DTNB: variants seen among roughly 807,000 people sequenced by gnomAD.
DTNB encodes DTN-B.
Under a neutral mutation model 90.7 loss-of-function variants are expected in DTNB, and 63 were observed. The observed-to-expected ratio is 0.69, with a 90% confidence interval of 0.57 to 0.86. The LOEUF is 0.86. DTNB is among the 40% of genes least tolerant of loss of function. DTNB has a pLI of 0.00. For synonymous variants in DTNB, 277 were observed against 286.7 expected, an observed-to-expected ratio of 0.97 and a Z score of 0.34; for missense variants, 744 against 807.1, an observed-to-expected ratio of 0.92 and a Z score of 0.95.
At chr2:25,379,058 C>T (rs1272603129) in intron 20 of DTNB, among the ~76,000 whole-genome samples, 4 of 152,138 alleles carry the variant, frequency 2.6e-5, no homozygotes, top group Non-Finnish European at 5.9e-5. Flanking sequence ...CCAGGCCATG[C>T]CCAAGGACCA....
At chr2:25,604,629 G>A (rs563564419) in intron 5 of DTNB, among the ~76,000 whole-genome samples, 8 of 152,178 alleles carry the variant, frequency 5.3e-5, no homozygotes, top group African/African-American at 9.6e-5. Flanking sequence ...GTCTCACTCC[G>A]TCGGCCAGGC....
intron 10 of DTNB, among the ~76,000 whole-genome samples, chr2:25,457,236 C>A (rs990545139): frequency 1.3e-5 from 2 of 152,126 alleles, no homozygotes; most frequent in African/African-American, 2.4e-5. Flanking sequence ...TCTCGAACTC[C>A]TGACCTCAGG....
intron 10 of DTNB, among the ~76,000 whole-genome samples, chr2:25,464,536 G>T (rs1005165322): frequency 6.6e-6 from 1 of 152,202 alleles, no homozygotes; most frequent in East Asian, 1.9e-4. Context: ...ACAAATGGGA[G>T]ATATACAGAG....
At chr2:25,559,644 T>A (rs1027517840) in intron 8 of DTNB, among the ~76,000 whole-genome samples, 2 of 152,202 alleles carry the variant, frequency 1.3e-5, no homozygotes, top group Non-Finnish European at 2.9e-5. Context: ...CCAAAAGATA[T>A]GTCCACATCC....
intron 8 of DTNB, among the ~76,000 whole-genome samples, chr2:25,541,601 T>C (rs534170140): frequency 7.9e-5 from 12 of 152,216 alleles, no homozygotes; most frequent in Non-Finnish European, 1.3e-4. Context: ...CTTCATCTCA[T>C]AGAGCCGGAA....
At chr2:25,399,021 C>T (rs999290455) in intron 16 of DTNB, among the ~76,000 whole-genome samples, 2 of 152,186 alleles carry the variant, frequency 1.3e-5, no homozygotes, top group Non-Finnish European at 2.9e-5. Flanking sequence ...AGGTAGTAAT[C>T]TCCAGGAAGT....
At chr2:25,407,142 T>C (rs1426997377) in intron 16 of DTNB, among the ~76,000 whole-genome samples, 1 of 152,104 alleles carries the variant, frequency 6.6e-6, no homozygotes, top group Non-Finnish European at 1.5e-5. Flanking sequence ...AAAGAAGATA[T>C]ACAAATGGCC....
intron 9 of DTNB, among the ~76,000 whole-genome samples, chr2:25,516,353 C>T (rs1347631109): frequency 6.6e-6 from 1 of 151,996 alleles, no homozygotes; most frequent in Non-Finnish European, 1.5e-5. Context: ...CTCAAGTCAT[C>T]CTTCTACCTC....
intron 13 of DTNB, among the ~76,000 whole-genome samples, chr2:25,433,380 C>T (rs943093001): frequency 5.9e-5 from 9 of 152,168 alleles, no homozygotes; most frequent in Non-Finnish European, 8.8e-5. Flanking sequence ...CCCCTTCCTT[C>T]CCTCTGTCCC....
chr2:25,444,577 A>G lies in DTNB; in HGVS notation c.1257+6971T>C, dbSNP rs118185580. On this transcript the variant is annotated intron_variant, in intron 12 of 20. Transcript: ENST00000406818. ...GAAATGTAGGCACTTCAGGAAAACA[A>G]ATTCTCTCTCCTGGCTCATATAAGC... Among the ~76,000 whole-genome samples the G allele has an allele frequency of 2.9e-4, 44 of 152,064 alleles. No homozygotes were observed. In the East Asian group the frequency reaches 7.9e-3, roughly 27 times the overall value.
intron 5 of DTNB, among the ~76,000 whole-genome samples, chr2:25,606,596 T>C (rs1278902809): frequency 2.0e-5 from 3 of 152,204 alleles, no homozygotes; most frequent in Non-Finnish European, 4.4e-5. Flanking sequence ...AGTTAATAAC[T>C]AATAACTGAA....
chr2:25,602,952 G>A (rs902271234), intron 5 of DTNB, among the ~76,000 whole-genome samples: 1 of 152,080 alleles, frequency 6.6e-6, no homozygotes, highest in Non-Finnish European at 1.5e-5. Context: ...TTTCATATAA[G>A]TGTTGCAATA....
chr2:25,589,604 T>C (rs2063167831), intron 6 of DTNB, among the ~76,000 whole-genome samples: 1 of 152,054 alleles, frequency 6.6e-6, no homozygotes, highest in South Asian at 2.1e-4. Flanking sequence ...TGTCTTGAAC[T>C]CCTGACCTCA....
At position 25,662,867 on chromosome 2, in the gene DTNB, T is replaced by C. The variant is rs554131519; in HGVS notation, c.-1-10206A>G. On this transcript the variant is annotated intron_variant, in intron 1 of 20. Coordinates refer to ENST00000406818, the MANE Select transcript of DTNB (RefSeq NM_021907.5). ...GTTCTAGGTACAATATAGTCTTCTT[T>C]TTTTGTGCTCCATTTACTTAAGTGG... 1.1e-4 allele frequency among the ~76,000 whole-genome samples: 17 copies of C among 152,330 alleles called. No individual in the cohort carries two copies. The South Asian group carries it at 3.3e-3, about 30-fold the overall frequency.
chr2:25,509,307 G>A (rs966122310), intron 9 of DTNB, among the ~76,000 whole-genome samples: 3 of 152,170 alleles, frequency 2.0e-5, no homozygotes, highest in African/African-American at 7.2e-5. Context: ...TTTCATAGAT[G>A]TGCATTTTCA....
chr2:25,634,544 G>A (rs1029761820), intron 3 of DTNB, among the ~76,000 whole-genome samples: 6 of 144,302 alleles, frequency 4.2e-5, no homozygotes, highest in Admixed American at 1.4e-4. Context: ...CCACCACCCC[G>A]TCTGGGAGGT....
At chr2:25,405,682 T>C (rs1375310758) in intron 16 of DTNB, among the ~76,000 whole-genome samples, 2 of 152,204 alleles carry the variant, frequency 1.3e-5, no homozygotes, top group Admixed American at 1.3e-4. Flanking sequence ...AATGGTTATA[T>C]AGTACCTACA....
chr2:25,396,405 G>T (rs752004961), intron 16 of DTNB, among the ~76,000 whole-genome samples: 2 of 152,060 alleles, frequency 1.3e-5, no homozygotes, highest in Non-Finnish European at 2.9e-5. Context: ...CAGCTACTTG[G>T]GAGGCTGAGG....
chr2:25,452,397 A>G (rs1299800998), intron 11 of DTNB, among the ~76,000 whole-genome samples: 1 of 152,184 alleles, frequency 6.6e-6, no homozygotes, highest in Non-Finnish European at 1.5e-5. Context: ...ACCAAATGCT[A>G]TTTATCCTTA....
Sources: allele counts gnomAD v4.1 joint callset (sites outside exome capture counted in the v4.1 genomes callset), GRCh38; gene constraint gnomAD v4.1.1; transcripts MANE v1.5; gene names NCBI Gene and HGNC (gene_info 2026-07-23, HGNC 2026-07-21).